Variants in ZAN observed in about 807,000 individuals in gnomAD.
ZAN encodes the protein zonadhesin (gene/pseudogene).
ZAN carries 260 observed loss-of-function variants against 286.2 expected under a neutral mutation model. The observed-to-expected ratio is 0.91, with a 90% CI of 0.82 to 1.01. The LOEUF is 1.01. Ranked by LOEUF, ZAN falls within the 50% of genes least tolerant of loss-of-function variation. The probability of loss-of-function intolerance (pLI) is 0.00; values close to 1 mark genes in which losing one functional copy is unlikely to be tolerated. For synonymous variants in ZAN, 1,368 were observed against 1,417.5 expected, an observed-to-expected ratio of 0.97 and a Z score of 0.79; for missense variants, 3,410 against 3,639.2, an observed-to-expected ratio of 0.94 and a Z score of 1.62.
At chr7:100,737,623 A>G (rs1215409507) in intron 6 of ZAN, among the ~76,000 whole-genome samples, 3 of 139,362 alleles carry the variant, frequency 2.2e-5, no homozygotes, top group African/African-American at 5.2e-5. Flanking sequence ...GGAGAATGGC[A>G]TGAACCTGGG....
intron 2 of ZAN, among the ~76,000 whole-genome samples, chr7:100,735,316 G>C (rs1342574520): frequency 7.2e-6 from 1 of 139,542 alleles, no homozygotes; most frequent in Non-Finnish European, 1.6e-5. Context: ...GGTAATCCCA[G>C]CACTTTGGGA....
At chr7:100,766,977 G>A in intron 24 of ZAN, 33 bp from the exon 25 acceptor site, 1 of 1,610,116 alleles carries the variant, frequency 6.2e-7, no homozygotes, top group Non-Finnish European at 8.5e-7. Flanking sequence ...GCATGGAGGA[G>A]TGAGACTGTG....
intron 37 of ZAN, 140 bp downstream of exon 37, chr7:100,786,281 C>T: frequency 7.5e-7 from 1 of 1,327,944 alleles, no homozygotes. Context: ...ATCAGGAGGC[C>T]TGGCCTCCAG....
intron 11 of ZAN, among the ~76,000 whole-genome samples, chr7:100,748,978 T>C (rs1490948986): frequency 6.6e-6 from 1 of 152,024 alleles, no homozygotes; most frequent in East Asian, 1.9e-4. Context: ...AAGGCTGCAG[T>C]GAGCTATGAT....
rs1811085675 is a variant in ZAN, at chr7:100,779,837, G to T, written c.6622+87G>T. 2.4e-5 allele frequency: 32 copies of T among 1,353,232 alleles called. No homozygotes were observed. The East Asian group carries it at 8.1e-4, about 34-fold the overall frequency. The allele number at this position is 1,353,232 out of a possible 1,614,324, so 83.8% of individuals were successfully genotyped here. ...TGAGAGCTCCCTCACTCTCCTTCCTGTTCGTTCCTGACTAACTCAGCCCTC... is the reference window on the plus strand; with the variant it reads ...TGAGAGCTCCCTCACTCTCCTTCCTTTTCGTTCCTGACTAACTCAGCCCTC... On this transcript the variant is annotated intron_variant, in intron 35 of 47. Transcript: ENST00000613979.
chr7:100,766,656 C>A lies in ZAN; in HGVS notation c.4602C>A (p.Cys1534Ter). 3 of 1,567,780 alleles carry A rather than the reference C, an allele frequency of 1.9e-6. No individual in the cohort carries two copies. The highest frequency in any genetic ancestry group is 2.6e-6 in the Non-Finnish European group (3 of 1,156,528). ...GCCAACAGGATGGTATCTATGGCTG[C>A]CATGCCCAAGGTGAGCCATCAGGGT... ...FCGQQDGIYGCHAQGAATCTA... is the reference protein window; with the variant it reads ...FCGQQDGIYG Residue 1534 changes from cysteine (C) to a stop codon, truncating the protein, a stop_gained, in exon 24 of 48, where the codon TGC (cysteine) becomes TGA (stop). Transcript: ENST00000613979. LOFTEE classifies it high-confidence loss of function.
chr7:100,775,611 T>A, intron 32 of ZAN, 36 bp downstream of exon 32: 1 of 1,610,752 alleles, frequency 6.2e-7, no homozygotes, highest in African/African-American at 1.3e-5. Flanking sequence ...TGGGAGGGAG[T>A]GCTGGGGAGG....
chr7:100,745,996 C>A (rs746207179), intron 7 of ZAN, among the ~76,000 whole-genome samples: 1 of 150,216 alleles, frequency 6.7e-6, no homozygotes, highest in Non-Finnish European at 1.5e-5. Context: ...AGCCAAGGTG[C>A]GTGGATCATT....
chr7:100,791,612 G>A (rs1811965244), intron 40 of ZAN, among the ~76,000 whole-genome samples: 1 of 152,024 alleles, frequency 6.6e-6, no homozygotes, highest in African/African-American at 2.4e-5. Flanking sequence ...TCACCATGTT[G>A]GCCATACTGG....
At chr7:100,749,632 T>TA (rs1808485839) in intron 11 of ZAN, among the ~76,000 whole-genome samples, 1 of 111,524 alleles carries the variant, frequency 9.0e-6, no homozygotes, top group Non-Finnish European at 1.7e-5. Flanking sequence ...AGAGTGAGAC[T>TA]CCGTCTCAAA....
chr7:100,785,185 G>A (rs887251825), intron 36 of ZAN, among the ~76,000 whole-genome samples: 1 of 149,592 alleles, frequency 6.7e-6, no homozygotes, highest in Non-Finnish European at 1.5e-5. Flanking sequence ...AGTACCTCCT[G>A]CACAACATAT....
In ZAN at chr7:100,763,908, C is replaced by T; in HGVS notation, c.4089C>T (p.Gly1363=). 3 of 1,613,964 alleles carry T rather than the reference C, an allele frequency of 1.9e-6. No homozygotes were observed. The South Asian group carries it at 3.3e-5, about 18-fold the overall frequency. ...GFCGRLVDTH[G]PFETCLLHVK... is the part of the protein sequence containing the mutation. ...GTGGACGGCTGGTCGACACTCATGG[C>T]CCATTTGAGTATGAAGGAGGGCAGG... Residue 1363 remains glycine, a synonymous_variant, in exon 21 of 48, where the codon GGC becomes GGT. Transcript: ENST00000613979. The surrounding 1 kb of genome is among the most constrained non-coding windows in gnomAD (Gnocchi z 4.6).
chr7:100,788,214 T>A, intron 38 of ZAN, 78 bp downstream of exon 38: 1 of 1,412,294 alleles, frequency 7.1e-7, no homozygotes, highest in Non-Finnish European at 9.3e-7. Context: ...AAGTCAGGGA[T>A]CCCTGTTCCC....
In ZAN at chr7:100,768,741, A is replaced by C; in HGVS notation, c.5153+20A>C. Reference sequence around the variant, plus strand: ...ACCTGGGTGAGCTGGGGGTCAGGGGAGCCAGGCAGGAGGGGCTGGGCCTGG... The same window carrying C: ...ACCTGGGTGAGCTGGGGGTCAGGGGCGCCAGGCAGGAGGGGCTGGGCCTGG... On this transcript the variant is annotated intron_variant, in intron 27 of 47. Coordinates refer to ENST00000613979, the MANE Select transcript of ZAN (RefSeq NM_003386.3). 1 of 1,569,410 alleles carries C rather than the reference A, an allele frequency of 6.4e-7. No individual in the cohort carries two copies. Among genetic ancestry groups the C allele is most frequent in the Non-Finnish European group, 8.6e-7 (1 of 1,156,786 alleles).
At position 100,764,049 on chromosome 7, in the gene ZAN, G is replaced by T. The variant is rs369115733; in HGVS notation, c.4120G>T (p.Ala1374Ser). 3.7e-6 allele frequency: 6 copies of T among 1,613,874 alleles called. No homozygotes were observed. The highest frequency in any genetic ancestry group is 3.4e-6 in the Non-Finnish European group (4 of 1,179,852). ...PFETCLLHVK[A>S]ASFFDSCMLD... ...CAGGACATGCCTGCTGCACGTGAAG[G>T]CCGCTTCCTTCTTCGACAGCTGCAT... Residue 1374 changes from alanine (A) to serine (S), a missense_variant, in exon 22 of 48, where the codon GCC becomes TCC. Coordinates refer to ENST00000613979, the MANE Select transcript of ZAN (RefSeq NM_003386.3).
At position 100,740,183 on chromosome 7, in the gene ZAN, G is replaced by A. The variant is rs1213481475; in HGVS notation, c.766+1570G>A. Among the ~76,000 whole-genome samples the A allele has an allele frequency of 2.1e-5, 3 of 141,248 alleles. 1 individual carries two copies. The highest frequency in any genetic ancestry group is 3.2e-5 in the Non-Finnish European group (2 of 63,034). The allele number at this position is 141,248 out of a possible 152,430, so 92.7% of individuals were successfully genotyped here. A position where few individuals can be genotyped will look rare whatever the true frequency, so the allele number is the denominator to read the frequency against. On this transcript the variant is annotated intron_variant, in intron 7 of 47. Coordinates refer to ENST00000613979, the MANE Select transcript of ZAN (RefSeq NM_003386.3). ...AGGGTGACCTGAGATCCACAGGAGC[G>A]GCAGATCACATAGAGCCTTGAAGGC... is the stretch of plus-strand genomic sequence containing the variant.
chr7:100,785,993 A>G lies in ZAN; in HGVS notation c.6835-4A>G, dbSNP rs1299966109. The G allele has an allele frequency of 6.2e-7, 1 of 1,612,754 alleles. No homozygotes were observed. The highest frequency in any genetic ancestry group is 1.7e-5 in the Admixed American group (1 of 59,782). Reference sequence around the variant, plus strand: ...CTCTCTTTCTCTTCCTGTAACTTCTACAGCTGGGCAAGAGCTGGGTCTCCA... The same window carrying G: ...CTCTCTTTCTCTTCCTGTAACTTCTGCAGCTGGGCAAGAGCTGGGTCTCCA... On this transcript the variant is annotated splice_region_variant and splice_polypyrimidine_tract_variant and intron_variant, in intron 36 of 47. Transcript: ENST00000613979.
In ZAN at chr7:100,752,767, C is replaced by A. The variant is rs763231240; in HGVS notation, c.2662C>A (p.Pro888Thr). The A allele has an allele frequency of 2.0e-6, 3 of 1,537,662 alleles. No homozygotes were observed. The East Asian group carries it at 7.1e-5, about 36-fold the overall frequency. ...CATCCCCACGGAAAAACCCACCATCCCCATTGAAGAGACTACCATCTCCAC... is the reference window on the plus strand; with the variant it reads ...CATCCCCACGGAAAAACCCACCATCACCATTGAAGAGACTACCATCTCCAC... ...LTIPTEKPTI[P>T]IEETTISTEK... Residue 888 changes from proline (P) to threonine (T), a missense_variant, in exon 14 of 48, where the codon CCC becomes ACC. Coordinates refer to ENST00000613979, the MANE Select transcript of ZAN (RefSeq NM_003386.3).
Position 100,737,202 on chromosome 7 carries a change from A to G in ZAN, c.526-60A>G. ...GCCATCTGAATTCAGGAAGAAAACT[A>G]GGAGCCAGGAGGCCTGGCTGAGGGG... On this transcript the variant is annotated intron_variant, in intron 5 of 47. Coordinates refer to ENST00000613979, the MANE Select transcript of ZAN (RefSeq NM_003386.3). 7 of 1,404,478 alleles carry G rather than the reference A, an allele frequency of 5.0e-6. 1 individual carries two copies. Among genetic ancestry groups the G allele is most frequent in the Non-Finnish European group, 6.8e-6 (7 of 1,026,624 alleles). 87.0% of individuals were successfully genotyped at this position (1,404,478 alleles called of 1,614,324 possible).
Sources: gnomAD v4.1 joint callset for allele counts (sites outside exome capture counted in the v4.1 genomes callset) on GRCh38, gnomAD v4.1.1 for gene constraint, Gnocchi (gnomAD v3.1) non-coding constraint, MANE v1.5 for transcripts, NCBI Gene and HGNC (gene_info 2026-07-23, HGNC 2026-07-21) for gene names.